RSRC1: variants seen among roughly 807,000 people sequenced by gnomAD.
The protein encoded by RSRC1 is serine/Arginine-related protein 53.
Under a neutral mutation model 49.1 loss-of-function variants are expected in RSRC1, and 39 were observed. The observed-to-expected ratio is 0.79, with a 90% CI of 0.61 to 1.04. RSRC1 has a LOEUF of 1.04. RSRC1 is among the 50% of genes least tolerant of loss of function. The pLI is 0.00. For missense variants in RSRC1, 388 were observed against 402.4 expected, an observed-to-expected ratio of 0.96 and a Z score of 0.31; for synonymous variants, 143 against 130.8, an observed-to-expected ratio of 1.09 and a Z score of -0.63.
intron 7 of RSRC1, among the ~76,000 whole-genome samples, chr3:158,508,314 T>C (rs1739966064): frequency 1.3e-5 from 2 of 152,082 alleles, no homozygotes; most frequent in Admixed American, 1.3e-4. Flanking sequence ...TCTCTTTTTT[T>C]CTTCTTATTT....
At chr3:158,122,928 C>T (rs4414801) in intron 2 of RSRC1, among the ~76,000 whole-genome samples, 102,501 of 152,036 alleles carry the variant, frequency 0.67, 34,801 homozygotes, top group East Asian at 0.83. Context: ...TTTATGGCTG[C>T]GTAGTATTCC....
intron 3 of RSRC1, among the ~76,000 whole-genome samples, chr3:158,202,398 T>C (rs935497240): frequency 6.6e-6 from 1 of 151,124 alleles, no homozygotes; most frequent in Non-Finnish European, 1.5e-5. Context: ...TTGAATAGGC[T>C]CAGAAGGAAG....
intron 4 of RSRC1, among the ~76,000 whole-genome samples, chr3:158,290,427 C>T (rs1016080012): frequency 2.1e-4 from 32 of 151,936 alleles, no homozygotes; most frequent in African/African-American, 6.8e-4. Context: ...CGCCCGCCAC[C>T]ACGCCCAGCT....
At chr3:158,436,853 G>A (rs1736068815) in intron 6 of RSRC1, among the ~76,000 whole-genome samples, 1 of 151,874 alleles carries the variant, frequency 6.6e-6, no homozygotes, top group Non-Finnish European at 1.5e-5. Flanking sequence ...TGTGGCTTAT[G>A]ATGGAAGTAT....
chr3:158,418,577 G>A (rs1578450561), intron 6 of RSRC1, among the ~76,000 whole-genome samples: 2 of 151,814 alleles, frequency 1.3e-5, no homozygotes, highest in African/African-American at 4.8e-5. Flanking sequence ...GGACGTTGAG[G>A]AGCCTAATGA....
chr3:158,152,074 G>A (rs114245548), intron 3 of RSRC1, among the ~76,000 whole-genome samples: 3,863 of 104,598 alleles, frequency 0.037, 148 homozygotes, highest in African/African-American at 0.15. Flanking sequence ...ATATCTTATG[G>A]GCAAAATGTT....
At chr3:158,441,827 C>T (rs1736392787) in intron 6 of RSRC1, among the ~76,000 whole-genome samples, 1 of 152,046 alleles carries the variant, frequency 6.6e-6, no homozygotes, top group Non-Finnish European at 1.5e-5. Context: ...AAACAACAAA[C>T]TTACAGTATG....
At chr3:158,340,693 C>G (rs922575428) in intron 5 of RSRC1, among the ~76,000 whole-genome samples, 1 of 152,102 alleles carries the variant, frequency 6.6e-6, no homozygotes, top group Non-Finnish European at 1.5e-5. Flanking sequence ...AGTTTGAAAA[C>G]GGACTAATAC....
chr3:158,506,629 T>C (rs1397963995), intron 7 of RSRC1, among the ~76,000 whole-genome samples: 3 of 151,612 alleles, frequency 2.0e-5, no homozygotes, highest in Admixed American at 1.3e-4. Flanking sequence ...TGAGATATCA[T>C]CTCACCTCGG....
intron 6 of RSRC1, among the ~76,000 whole-genome samples, chr3:158,404,822 A>G (rs745675041): frequency 2.0e-5 from 3 of 151,946 alleles, no homozygotes; most frequent in South Asian, 2.1e-4. Context: ...ACATTTTTCA[A>G]TTTGTTCCAT....
At chr3:158,517,518 C>T (rs1477555788) in intron 7 of RSRC1, among the ~76,000 whole-genome samples, 2 of 151,408 alleles carry the variant, frequency 1.3e-5, no homozygotes, top group Non-Finnish European at 2.9e-5. Flanking sequence ...TTGGTGGATT[C>T]CCTTTGCTTC....
rs563108996 is a variant in RSRC1, at chr3:158,203,138, G to A, written c.387G>A (p.Thr129=). 1.9e-5 allele frequency: 30 copies of A among 1,613,776 alleles called. No individual in the cohort carries two copies. Among genetic ancestry groups the A allele is most frequent in the Middle Eastern group, 1.6e-4 (1 of 6,062 alleles). The change falls in exon 4 of 10, where the codon ACG becomes ACA. Residue 129 remains threonine, a synonymous_variant. Coordinates refer to ENST00000611884, the MANE Select transcript of RSRC1 (RefSeq NM_001271838.2). ...GTGAAAGGTCCAGTCACAGAAGAACGCGTAGTCGGTCTCGGGATAGAGAAC... is the reference window on the plus strand; with the variant it reads ...GTGAAAGGTCCAGTCACAGAAGAACACGTAGTCGGTCTCGGGATAGAGAAC... ...RSSERSSHRR[T]RSRSRDRERR...
intron 3 of RSRC1, among the ~76,000 whole-genome samples, chr3:158,187,566 C>G (rs1309501925): frequency 9.2e-5 from 14 of 151,958 alleles, no homozygotes; most frequent in Non-Finnish European, 1.3e-4. Flanking sequence ...AATATACAAG[C>G]AACCCCTCTT....
intron 7 of RSRC1, among the ~76,000 whole-genome samples, chr3:158,525,216 TA>T (rs1711935497): frequency 6.6e-6 from 1 of 151,820 alleles, no homozygotes; most frequent in African/African-American, 2.4e-5. Context: ...CATAACTCAA[TA>T]AGACAAACAA....
chr3:158,398,466 A>T (rs1733724055), intron 6 of RSRC1, among the ~76,000 whole-genome samples: 1 of 152,112 alleles, frequency 6.6e-6, no homozygotes, highest in Admixed American at 6.6e-5. Context: ...GGGTCTAGCT[A>T]GTTCACTGTA....
intron 6 of RSRC1, among the ~76,000 whole-genome samples, chr3:158,385,029 A>G (rs185206801): frequency 1.1e-4 from 16 of 152,314 alleles, no homozygotes; most frequent in South Asian, 4.1e-4. Context: ...GGAGAAGGAA[A>G]AGGAAAAATA....
At chr3:158,259,627 G>C (rs73874348) in intron 4 of RSRC1, among the ~76,000 whole-genome samples, 11,670 of 152,220 alleles carry the variant, frequency 0.077, 540 homozygotes, top group South Asian at 0.13. Flanking sequence ...ATCCACAGGT[G>C]GTGAGTCTAG....
At chr3:158,469,881 T>A (rs1165045207) in intron 7 of RSRC1, 1 of 152,114 alleles carries the variant, frequency 6.6e-6, no homozygotes, top group Non-Finnish European at 1.5e-5. Flanking sequence ...GAAACTTATG[T>A]TAGCATTAGT....
intron 6 of RSRC1, among the ~76,000 whole-genome samples, chr3:158,356,712 AAT>A (rs749653997): frequency 3.4e-4 from 51 of 152,220 alleles, no homozygotes; most frequent in South Asian, 2.9e-3. Flanking sequence ...TGCAGCTCCT[AAT>A]TGAGTATTCC....
Sources: gnomAD v4.1 joint callset for allele counts (sites outside exome capture counted in the v4.1 genomes callset) on GRCh38, gnomAD v4.1.1 for gene constraint, MANE v1.5 for transcripts, NCBI Gene and HGNC (gene_info 2026-07-23, HGNC 2026-07-21) for gene names.